The following CDH18 variants were observed in gnomAD, a reference collection of about 807,000 sequenced individuals.
CDH18 encodes the protein cadherin-18.
CDH18 carries 31 observed loss-of-function variants against 67.9 expected under a neutral mutation model. That is an observed-to-expected ratio of 0.46 (90% CI 0.34 to 0.62). CDH18 has a LOEUF of 0.62. CDH18 is among the 20% of genes least tolerant of loss of function. The probability of loss-of-function intolerance (pLI) is 0.01; values close to 1 mark genes in which losing one functional copy is unlikely to be tolerated. For synonymous variants in CDH18, 362 were observed against 347.2 expected, an observed-to-expected ratio of 1.04 and a Z score of -0.48; for missense variants, 890 against 975.5, an observed-to-expected ratio of 0.91 and a Z score of 1.17.
At chr5:20,233,183 T>G (rs924652457) in intron 2 of CDH18, among the ~76,000 whole-genome samples, 1 of 150,794 alleles carries the variant, frequency 6.6e-6, no homozygotes, top group African/African-American at 2.4e-5. Flanking sequence ...GTATATACTT[T>G]AAATATTATA....
In CDH18 at chr5:20,433,584, G is replaced by T. The variant is rs538249469; in HGVS notation, c.-580+141878C>A. 5.3e-5 allele frequency among the ~76,000 whole-genome samples: 8 copies of T among 152,110 alleles called. No individual in the cohort carries two copies. In the South Asian group the frequency reaches 1.5e-3, roughly 28 times the overall value. ...ATATGTTATTATGTTTAAAACATAT[G>T]GGAGATATTTGAGGAGGAGAGTTGA... On this transcript the variant is annotated intron_variant, in intron 1 of 14. Transcript: ENST00000507958.
intron 5 of CDH18, among the ~76,000 whole-genome samples, chr5:19,677,288 T>G (rs1723615922): frequency 6.6e-6 from 1 of 152,054 alleles, no homozygotes; most frequent in African/African-American, 2.4e-5. Context: ...CACCCAAGAA[T>G]TTCATATCCA....
chr5:19,567,768 T>C (rs1439909045), intron 8 of CDH18, among the ~76,000 whole-genome samples: 1 of 152,186 alleles, frequency 6.6e-6, no homozygotes, highest in Non-Finnish European at 1.5e-5. Flanking sequence ...GAATATTTCA[T>C]ATGCTAATAG....
chr5:19,625,659 C>T (rs1192075937), intron 5 of CDH18, among the ~76,000 whole-genome samples: 1 of 152,024 alleles, frequency 6.6e-6, no homozygotes, highest in East Asian at 1.9e-4. Flanking sequence ...TTGTGTGTAT[C>T]TCTATGTTCA....
chr5:20,017,008 A>G (rs927030889), intron 2 of CDH18, among the ~76,000 whole-genome samples: 4 of 152,196 alleles, frequency 2.6e-5, no homozygotes, highest in Non-Finnish European at 5.9e-5. Flanking sequence ...GCATGATCAA[A>G]TAAAGAGTCT....
At chr5:19,677,908 C>G (rs992917888) in intron 5 of CDH18, among the ~76,000 whole-genome samples, 4 of 151,830 alleles carry the variant, frequency 2.6e-5, no homozygotes, top group African/African-American at 9.7e-5. Flanking sequence ...ATTTGACAAG[C>G]AGACCTAACT....
chr5:19,747,140 C>T lies in CDH18; in HGVS notation c.325G>A (p.Asp109Asn). The change falls in exon 4 of 13, where the codon GAT (aspartate) becomes AAT (asparagine). Residue 109 changes from aspartate (D) to asparagine (N), a missense_variant. Physicochemically the swap from Asp to Asn is conservative, Grantham distance 23. Transcript: ENST00000382275. ...TCTAGGCTTTTTGTTGAGTGGATAT[C>T]ACCCGTGGTATCGTCAATGATAAAT... ...TIFIIDDTTG[D>N]IHSTKSLDRE... The T allele has an allele frequency of 6.2e-7, 1 of 1,614,024 alleles. No homozygotes were observed. Among genetic ancestry groups the T allele is most frequent in the Non-Finnish European group, 8.5e-7 (1 of 1,179,930 alleles).
intron 1 of CDH18, among the ~76,000 whole-genome samples, chr5:20,507,118 G>A (rs1325357744): frequency 6.6e-6 from 1 of 152,244 alleles, no homozygotes; most frequent in Non-Finnish European, 1.5e-5. Context: ...TGTCAGCCAT[G>A]TGAGAGAGAT....
intron 2 of CDH18, among the ~76,000 whole-genome samples, chr5:19,926,212 A>G (rs1021246738): frequency 3.3e-5 from 5 of 152,182 alleles, no homozygotes; most frequent in African/African-American, 7.2e-5. Flanking sequence ...TGTATTCACT[A>G]AAGTCTGAAG....
At chr5:20,172,651 T>C (rs1488421544) in intron 2 of CDH18, among the ~76,000 whole-genome samples, 1 of 151,932 alleles carries the variant, frequency 6.6e-6, no homozygotes, top group Non-Finnish European at 1.5e-5. Flanking sequence ...GAAACAGTGA[T>C]TACAAAAATA....
chr5:19,929,114 C>T (rs187042751), intron 2 of CDH18, among the ~76,000 whole-genome samples: 42 of 151,736 alleles, frequency 2.8e-4, no homozygotes, highest in African/African-American at 9.7e-4. Flanking sequence ...TCTAGGACTG[C>T]AAAGTACACA....
chr5:20,164,845 T>C (rs974310447), intron 2 of CDH18, among the ~76,000 whole-genome samples: 1 of 152,106 alleles, frequency 6.6e-6, no homozygotes, highest in Admixed American at 6.5e-5. Flanking sequence ...AAAGATAACA[T>C]TGTTTGCATA....
chr5:19,802,035 C>T (rs1777528894), intron 3 of CDH18, among the ~76,000 whole-genome samples: 1 of 152,022 alleles, frequency 6.6e-6, no homozygotes, highest in South Asian at 2.1e-4. Flanking sequence ...ATAACAATGA[C>T]AATCCTACAT....
chr5:20,240,274 TAAAA>T (rs879789960), intron 2 of CDH18, among the ~76,000 whole-genome samples: 1 of 75,180 alleles, frequency 1.3e-5, no homozygotes, highest in Non-Finnish European at 2.5e-5. Context: ...TTAGCAGTAC[TAAAA>T]AAAAGTTGGC....
chr5:20,319,043 T>G (rs1737736573), intron 1 of CDH18, among the ~76,000 whole-genome samples: 1 of 152,190 alleles, frequency 6.6e-6, no homozygotes, highest in African/African-American at 2.4e-5. Context: ...TGGACCCCAG[T>G]CTACTTGTTC....
chr5:19,520,747 C>T lies in CDH18; in HGVS notation c.1422G>A (p.Val474=). The T allele has an allele frequency of 1.2e-6, 2 of 1,613,156 alleles. No homozygotes were observed. The highest frequency in any genetic ancestry group is 1.7e-6 in the Non-Finnish European group (2 of 1,179,348). Reference sequence around the variant, plus strand: ...CATTGACATCCAGAACTCTAATACCCACTGTGACATGGCTCAGCAAATCAG... The same window carrying T: ...CATTGACATCCAGAACTCTAATACCTACTGTGACATGGCTCAGCAAATCAG... The part of the protein sequence containing the change: ...DNPDLLSHVT[V]GIRVLDVNDN... Residue 474 remains valine (V), a synonymous_variant, in exon 10 of 13, where the codon GTG becomes GTA. Transcript: ENST00000382275.
chr5:20,516,800 C>G (rs556339568), intron 1 of CDH18, among the ~76,000 whole-genome samples: 2 of 151,740 alleles, frequency 1.3e-5, no homozygotes, highest in African/African-American at 4.8e-5. Context: ...TTTCGGATTG[C>G]CGTAGGACTT....
chr5:20,338,993 C>A (rs1206608612), intron 1 of CDH18, among the ~76,000 whole-genome samples: 1 of 152,166 alleles, frequency 6.6e-6, no homozygotes, highest in African/African-American at 2.4e-5. Context: ...TGACAGCCGA[C>A]AGGAGCCAGG....
At chr5:19,743,242 C>A (rs1256591187) in intron 4 of CDH18, among the ~76,000 whole-genome samples, 1 of 152,174 alleles carries the variant, frequency 6.6e-6, no homozygotes, top group Non-Finnish European at 1.5e-5. Context: ...ATATTTCTGT[C>A]TATATGTATA....
Sources: gnomAD v4.1 joint callset for allele counts (sites outside exome capture counted in the v4.1 genomes callset) on GRCh38, gnomAD v4.1.1 for gene constraint, MANE v1.5 for transcripts, NCBI Gene and HGNC (gene_info 2026-07-23, HGNC 2026-07-21) for gene names.